The following LHX8 variants were observed in gnomAD, a reference collection of about 807,000 sequenced individuals.
LHX8 encodes LIM homeobox 8, also known as LIM/homeobox protein Lhx8.
LHX8 carries 12 observed loss-of-function variants against 40.3 expected under a neutral mutation model. The observed-to-expected ratio is 0.30, with a 90% CI of 0.19 to 0.48. The LOEUF (loss-of-function observed/expected upper bound fraction) is 0.48. Ranked by LOEUF, LHX8 falls within the 20% of genes least tolerant of loss-of-function variation. LHX8 has a pLI of 0.99. For missense variants in LHX8, 344 were observed against 433.7 expected, an observed-to-expected ratio of 0.79 and a Z score of 1.84; for synonymous variants, 179 against 162.0, an observed-to-expected ratio of 1.10 and a Z score of -0.80.
At position 75,156,883 on chromosome 1, in the gene LHX8, C is replaced by T. The variant is rs774779721; in HGVS notation, c.781-10C>T. ...ACCTACCTACTTCTGTTGCTTTTCTCCCTGCTCAGGTGTGGTTTCAGAATT... is the reference window on the plus strand; with the variant it reads ...ACCTACCTACTTCTGTTGCTTTTCTTCCTGCTCAGGTGTGGTTTCAGAATT... On this transcript the variant is annotated splice_polypyrimidine_tract_variant and intron_variant, in intron 7 of 8. Transcript: ENST00000356261. 2 of 1,614,088 alleles carry T rather than the reference C, an allele frequency of 1.2e-6. No individual in the cohort carries two copies. Among genetic ancestry groups the T allele is most frequent in the South Asian group, 1.1e-5 (1 of 91,078 alleles).
chr1:75,151,285 A>T (rs561901889), intron 7 of LHX8, among the ~76,000 whole-genome samples: 1 of 152,162 alleles, frequency 6.6e-6, no homozygotes, highest in African/African-American at 2.4e-5. Context: ...GTCTTAGGAG[A>T]CAAGTTCTAC....
chr1:75,159,720 T>G lies in LHX8; in HGVS notation c.965-1099T>G, dbSNP rs1239913296. 6 of 152,310 alleles carry G rather than the reference T, an allele frequency of 3.9e-5. No individual in the cohort carries two copies. In the East Asian group the frequency reaches 7.7e-4, roughly 20 times the overall value. The allele number at this position is 152,310 out of a possible 1,614,324, so 9.4% of individuals were successfully genotyped here. On this transcript the variant is annotated intron_variant, in intron 8 of 8. Transcript: ENST00000356261. ...TTCAAGTCATGTCTTGTTATTTGTC[T>G]TCTTATTTGCTATTGCATTTCAGAT... is the stretch of plus-strand genomic sequence containing the variant.
chr1:75,162,110 G>C (rs901147981), downstream of LHX8, among the ~76,000 whole-genome samples: 1 of 152,064 alleles, frequency 6.6e-6, no homozygotes, highest in African/African-American at 2.4e-5. Flanking sequence ...TCAGGCTGAG[G>C]ACTGGAAATA....
chr1:75,130,756 A>G, upstream of LHX8: 1 of 1,612,060 alleles, frequency 6.2e-7, no homozygotes, highest in Non-Finnish European at 8.5e-7. Flanking sequence ...AAGAACCTCT[A>G]GAAGCAATCT....
rs1436191759 is a variant in LHX8, at chr1:75,161,150, C to G, written c.*255C>G. ...TTGTATTGTCTGGAAATAGTTCACT[C>G]TAGTGTGTATCTGTTAATTTATTTG... On this transcript the variant is annotated 3_prime_UTR_variant, in exon 9 of 9. Coordinates refer to ENST00000356261, the MANE Select transcript of LHX8 (RefSeq NM_001256114.2). The G allele has an allele frequency of 2.2e-6, 1 of 458,516 alleles. No individual in the cohort carries two copies. Among genetic ancestry groups the G allele is most frequent in the South Asian group, 2.4e-5 (1 of 41,964 alleles). 28.4% of individuals were successfully genotyped at this position (458,516 alleles called of 1,614,324 possible). A position where few individuals can be genotyped will look rare whatever the true frequency, so the allele number is the denominator to read the frequency against.
At chr1:75,178,627 C>G in the LHX8 span, among the ~76,000 whole-genome samples, 3 of 151,880 alleles carry the variant, frequency 2.0e-5, no homozygotes, top group African/African-American at 7.2e-5. Flanking sequence ...AAACCAGCTC[C>G]TGGATTCAGT....
chr1:75,152,607 C>T (rs1054372882), intron 7 of LHX8, among the ~76,000 whole-genome samples: 31 of 152,168 alleles, frequency 2.0e-4, no homozygotes, highest in African/African-American at 2.9e-4. Flanking sequence ...ATCTACCTTG[C>T]GTGCTTGTTC....
At chr1:75,182,369 C>CTTTT in the LHX8 span, among the ~76,000 whole-genome samples, 3 of 92,316 alleles carry the variant, frequency 3.2e-5, no homozygotes, top group African/African-American at 4.5e-5. Context: ...TGCCTATTTC[C>CTTTT]TTTTTTTTTT....
At position 75,143,112 on chromosome 1, in the gene LHX8, A is replaced by T; in HGVS notation, c.360-6A>T. 1 of 1,607,794 alleles carries T rather than the reference A, an allele frequency of 6.2e-7. No individual in the cohort carries two copies. ...TATTTACCTTCCACACCTCTATTTA[A>T]TGTAGAAGGTATGGAACTCGCTGCT... is the stretch of plus-strand genomic sequence containing the variant. On this transcript the variant is annotated splice_region_variant and splice_polypyrimidine_tract_variant and intron_variant, in intron 4 of 8. Coordinates refer to ENST00000356261, the MANE Select transcript of LHX8 (RefSeq NM_001256114.2).
downstream of LHX8, among the ~76,000 whole-genome samples, chr1:75,162,414 G>A (rs1326998370): frequency 6.6e-6 from 1 of 152,134 alleles, no homozygotes; most frequent in African/African-American, 2.4e-5. Flanking sequence ...GTCTAGGAAA[G>A]CTTTTGTAGT....
chr1:75,134,874 C>T lies in LHX8; in HGVS notation c.-93C>T. 1 of 984,022 alleles carries T rather than the reference C, an allele frequency of 1.0e-6. No homozygotes were observed. Among genetic ancestry groups the T allele is most frequent in the Non-Finnish European group, 1.2e-6 (1 of 828,782 alleles). 61.0% of individuals were successfully genotyped at this position (984,022 alleles called of 1,614,324 possible). On this transcript the variant is annotated 5_prime_UTR_variant, in exon 1 of 9. Coordinates refer to ENST00000356261, the MANE Select transcript of LHX8 (RefSeq NM_001256114.2). ...TAGTCAGTAATCATTGCACTCCCTCCCCAAAAGCTCACTTAACCTGAGACA... is the reference window on the plus strand; with the variant it reads ...TAGTCAGTAATCATTGCACTCCCTCTCCAAAAGCTCACTTAACCTGAGACA...
At chr1:75,190,039 G>C in the LHX8 span, among the ~76,000 whole-genome samples, 1 of 152,128 alleles carries the variant, frequency 6.6e-6, no homozygotes, top group Non-Finnish European at 1.5e-5. Flanking sequence ...GAGAAAGACA[G>C]ACTTATAAAT....
chr1:75,155,913 C>T (rs1266570400), intron 7 of LHX8, among the ~76,000 whole-genome samples: 1 of 151,712 alleles, frequency 6.6e-6, no homozygotes, highest in African/African-American at 2.4e-5. Flanking sequence ...TTGTAGAAAG[C>T]TTTAAGTTCT....
chr1:75,198,386 T>C, the LHX8 span, among the ~76,000 whole-genome samples: 1 of 152,124 alleles, frequency 6.6e-6, no homozygotes, highest in Non-Finnish European at 1.5e-5. Flanking sequence ...CAAGAGAATA[T>C]CACTGTTAAT....
intron 2 of LHX8, 33 bp from the exon 3 acceptor site, chr1:75,137,067 C>A: frequency 6.3e-7 from 1 of 1,584,090 alleles, no homozygotes; most frequent in South Asian, 1.1e-5. Flanking sequence ...GAGGAGGGGT[C>A]TAGAACCGCC....
At chr1:75,178,296 C>T in the LHX8 span, among the ~76,000 whole-genome samples, 1 of 152,124 alleles carries the variant, frequency 6.6e-6, no homozygotes, top group Non-Finnish European at 1.5e-5. Flanking sequence ...GTGAATCCAT[C>T]TGGTCCTGGA....
chr1:75,180,277 A>C, the LHX8 span, among the ~76,000 whole-genome samples: 10 of 152,292 alleles, frequency 6.6e-5, no homozygotes, highest in African/African-American at 2.2e-4. Context: ...TAATATCCTG[A>C]AGAGTGTTTT....
At chr1:75,169,969 G>A in the LHX8 span, among the ~76,000 whole-genome samples, 1 of 152,174 alleles carries the variant, frequency 6.6e-6, no homozygotes, top group East Asian at 1.9e-4. Context: ...AACACTCTAG[G>A]AGCCTGCCAG....
chr1:75,182,369 CTTTTT>C, the LHX8 span, among the ~76,000 whole-genome samples: 7 of 92,336 alleles, frequency 7.6e-5, no homozygotes, highest in South Asian at 7.3e-4. Flanking sequence ...TGCCTATTTC[CTTTTT>C]TTTTTTTTTT....
Sources: gnomAD v4.1 joint callset for allele counts (sites outside exome capture counted in the v4.1 genomes callset) on GRCh38, gnomAD v4.1.1 for gene constraint, MANE v1.5 for transcripts, NCBI Gene and HGNC (gene_info 2026-07-23, HGNC 2026-07-21) for gene names.